PICALM: variants seen among roughly 807,000 people sequenced by gnomAD.
PICALM encodes the protein phosphatidylinositol-binding clathrin assembly protein.
A neutral mutation model predicts 80.5 loss-of-function variants in PICALM; 40 were observed. The ratio of observed to expected loss-of-function variants is 0.50; its 90% confidence interval spans 0.39 to 0.65. The LOEUF (loss-of-function observed/expected upper bound fraction) is 0.65. Among genes scored for constraint, PICALM ranks in the 30% least tolerant of loss-of-function variants. The pLI is 0.00. For synonymous variants in PICALM, 288 were observed against 260.3 expected, an observed-to-expected ratio of 1.11 and a Z score of -1.02; for missense variants, 676 against 778.9, an observed-to-expected ratio of 0.87 and a Z score of 1.57.
At chr11:85,978,654 T>A (rs999511951) in intron 17 of PICALM, 1 of 152,182 alleles carries the variant, frequency 6.6e-6, no homozygotes, top group East Asian at 1.9e-4. Flanking sequence ...CTCCATAAAA[T>A]ACATATAAAT....
intron 18 of PICALM, among the ~76,000 whole-genome samples, chr11:85,975,563 T>G (rs887353880): frequency 2.0e-5 from 3 of 150,060 alleles, no homozygotes; most frequent in African/African-American, 7.3e-5. Context: ...AGCTTCATTT[T>G]AAGTTTATGG....
At chr11:85,977,565 G>A (rs1403966647) in intron 17 of PICALM, among the ~76,000 whole-genome samples, 1 of 152,148 alleles carries the variant, frequency 6.6e-6, no homozygotes, top group East Asian at 1.9e-4. Context: ...CATATGCATG[G>A]AGAAATTAAA....
intron 1 of PICALM, among the ~76,000 whole-genome samples, chr11:86,061,330 C>CAAAAAAAAAA (rs58836221): frequency 2.0e-3 from 164 of 81,034 alleles, no homozygotes; most frequent in East Asian, 2.9e-3. Context: ...GACTCCATCT[C>CAAAAAAAAAA]AAAAAAAAAA....
In PICALM at chr11:85,992,626, T is replaced by C. The variant is rs551310984; in HGVS notation, c.1259-2227A>G. Among the ~76,000 whole-genome samples the C allele has an allele frequency of 9.2e-5, 14 of 152,260 alleles. 1 individual carries two copies. Among genetic ancestry groups the C allele is most frequent in the South Asian group, 2.1e-4 (1 of 4,830 alleles). ...TAAATACATGATATTAACAGCTGCATAGAGTTTTAAAAGTACATTATATTT... is the reference window on the plus strand; with the variant it reads ...TAAATACATGATATTAACAGCTGCACAGAGTTTTAAAAGTACATTATATTT... On this transcript the variant is annotated intron_variant, in intron 12 of 19. Transcript: ENST00000393346.
At chr11:86,044,308 G>A (rs1349295465) in intron 1 of PICALM, among the ~76,000 whole-genome samples, 2 of 152,132 alleles carry the variant, frequency 1.3e-5, no homozygotes, top group Non-Finnish European at 2.9e-5. Context: ...GTGGCCTGGA[G>A]GCCTATGGAA....
intron 1 of PICALM, among the ~76,000 whole-genome samples, chr11:86,055,860 G>A (rs540093035): frequency 7.7e-4 from 117 of 152,212 alleles, no homozygotes; most frequent in Middle Eastern, 3.4e-3. Flanking sequence ...CTGGGTGAGA[G>A]TGTGATGGCT....
At chr11:85,968,947 AAC>A (rs57641869) in intron 19 of PICALM, among the ~76,000 whole-genome samples, 12,776 of 143,518 alleles carry the variant, frequency 0.089, 650 homozygotes, top group East Asian at 0.14. Flanking sequence ...AAAATGACTC[AAC>A]ACACACACAC....
chr11:85,957,365 T>C lies in PICALM; in HGVS notation c.*1681A>G, dbSNP rs1006155550. On this transcript the variant is annotated 3_prime_UTR_variant, in exon 20 of 20. Coordinates refer to ENST00000393346, the MANE Select transcript of PICALM (RefSeq NM_007166.4). ...CAATATGATACAATCAAAGGTTTCT[T>C]TGGCAGACATAATTATATGTACCAA... Among the ~76,000 whole-genome samples the C allele has an allele frequency of 2.0e-5, 3 of 152,234 alleles. No individual in the cohort carries two copies. The East Asian group carries it at 5.8e-4, about 29-fold the overall frequency.
chr11:86,041,671 C>G (rs2095972094), intron 1 of PICALM, among the ~76,000 whole-genome samples: 2 of 152,170 alleles, frequency 1.3e-5, no homozygotes, highest in South Asian at 4.1e-4. Context: ...ACTGTTCAAA[C>G]TTTAATTTTA....
chr11:85,963,632 T>C (rs1420828490), intron 19 of PICALM, among the ~76,000 whole-genome samples: 1 of 152,206 alleles, frequency 6.6e-6, no homozygotes, highest in African/African-American at 2.4e-5. Context: ...TTGATGATAG[T>C]ATCTCTTAAA....
chr11:85,997,266 A>G (rs191488953), intron 11 of PICALM, among the ~76,000 whole-genome samples: 165 of 152,360 alleles, frequency 1.1e-3, no homozygotes, highest in African/African-American at 3.8e-3. Context: ...AGCAATTTTA[A>G]TATTTTTAAT....
intron 3 of PICALM, among the ~76,000 whole-genome samples, chr11:86,025,240 A>G (rs993824216): frequency 6.6e-6 from 1 of 152,102 alleles, no homozygotes; most frequent in Non-Finnish European, 1.5e-5. Context: ...TCTCTACTAA[A>G]GATACACAAA....
chr11:86,068,625 CG>C, intron 1 of PICALM, 25 bp downstream of exon 1: 2 of 1,593,184 alleles, frequency 1.3e-6, no homozygotes, highest in Non-Finnish European at 8.5e-7. Context: ...CGCCGGGGAG[CG>C]GGGGCCGCGG....
intron 1 of PICALM, among the ~76,000 whole-genome samples, chr11:86,057,082 T>A (rs1264825556): frequency 6.6e-6 from 1 of 152,086 alleles, no homozygotes; most frequent in Non-Finnish European, 1.5e-5. Flanking sequence ...TAGAATTACA[T>A]AATGGGGATG....
intron 1 of PICALM, among the ~76,000 whole-genome samples, chr11:86,035,119 G>A (rs571285796): frequency 2.0e-5 from 2 of 100,948 alleles, no homozygotes; most frequent in East Asian, 2.8e-4. Context: ...GTATTCTGAG[G>A]AAGTCTTTTT....
At chr11:85,991,702 G>A in intron 12 of PICALM, among the ~76,000 whole-genome samples, 1 of 150,958 alleles carries the variant, frequency 6.6e-6, no homozygotes, top group East Asian at 1.9e-4. Flanking sequence ...ATCAAAATAT[G>A]CTGATTATGC....
At chr11:86,059,741 GAC>G (rs2096327636) in intron 1 of PICALM, among the ~76,000 whole-genome samples, 1 of 152,124 alleles carries the variant, frequency 6.6e-6, no homozygotes, top group African/African-American at 2.4e-5. Context: ...CAGCTTGGGT[GAC>G]AGAGCCAGAC....
intron 13 of PICALM, among the ~76,000 whole-genome samples, chr11:85,985,127 T>A (rs11234501): frequency 0.29 from 44,809 of 151,962 alleles, 6,872 homozygotes; most frequent in East Asian, 0.48. Flanking sequence ...TTTGGTGTCC[T>A]AAATTTAGGA....
chr11:85,968,730 T>C (rs944168587), intron 19 of PICALM, among the ~76,000 whole-genome samples: 2 of 151,992 alleles, frequency 1.3e-5, no homozygotes, highest in Non-Finnish European at 2.9e-5. Flanking sequence ...CTGTACCAAG[T>C]AACCAAATAG....
Sources: gnomAD v4.1 joint callset for allele counts (sites outside exome capture counted in the v4.1 genomes callset) on GRCh38, gnomAD v4.1.1 for gene constraint, MANE v1.5 for transcripts, NCBI Gene and HGNC (gene_info 2026-07-23, HGNC 2026-07-21) for gene names.